ARHGAP31: variants seen among roughly 807,000 people sequenced by gnomAD.
ARHGAP31 encodes the protein rho GTPase-activating protein 31.
Under a neutral mutation model 113.9 loss-of-function variants are expected in ARHGAP31, and 34 were observed. The observed-to-expected ratio is 0.30, with a 90% CI of 0.23 to 0.40. The LOEUF (loss-of-function observed/expected upper bound fraction) is 0.40. Ranked by LOEUF, ARHGAP31 falls within the 10% of genes least tolerant of loss-of-function variation. The pLI is 1.00. For missense variants in ARHGAP31, 1,548 were observed against 1,767.1 expected, an observed-to-expected ratio of 0.88 and a Z score of 2.22; for synonymous variants, 650 against 684.8, an observed-to-expected ratio of 0.95 and a Z score of 0.79.
At chr3:119,379,548 A>G (rs1019243348) in intron 3 of ARHGAP31, among the ~76,000 whole-genome samples, 13 of 152,374 alleles carry the variant, frequency 8.5e-5, no homozygotes, top group African/African-American at 2.9e-4. Flanking sequence ...CACCACGGTT[A>G]GGATCTCATT....
chr3:119,368,340 G>T, intron 2 of ARHGAP31, 32 bp from the exon 3 acceptor site: 1 of 1,613,552 alleles, frequency 6.2e-7, no homozygotes, highest in Non-Finnish European at 8.5e-7. Flanking sequence ...ACACTCCCTG[G>T]GATTGTTATG....
chr3:119,364,961 G>A lies in ARHGAP31; in HGVS notation c.101-355G>A, dbSNP rs139310730. Among the ~76,000 whole-genome samples, 703 of 152,216 alleles carry A rather than the reference G, an allele frequency of 4.6e-3. 4 individuals carry two copies. The highest frequency in any genetic ancestry group is 0.015 in the African/African-American group (639 of 41,530). ...ACACAAAAATTAGCTTGGCGTGGTG[G>A]CGGGTGCCTGTAATCCCAGCTACTC... is the stretch of plus-strand genomic sequence containing the variant. On this transcript the variant is annotated intron_variant, in intron 1 of 11. Coordinates refer to ENST00000264245, the MANE Select transcript of ARHGAP31 (RefSeq NM_020754.4).
intron 1 of ARHGAP31, among the ~76,000 whole-genome samples, chr3:119,307,006 A>G (rs572856599): frequency 4.0e-5 from 6 of 151,262 alleles, no homozygotes; most frequent in African/African-American, 1.5e-4. Context: ...CCTTTGTTTC[A>G]ATCTTTATTT....
At position 119,325,018 on chromosome 3, in the gene ARHGAP31, C is replaced by T. The variant is rs961701978; in HGVS notation, c.100+30014C>T. 1.1e-4 allele frequency: 48 copies of T among 454,800 alleles called. 1 individual carries two copies. Among genetic ancestry groups the T allele is most frequent in the Non-Finnish European group, 1.3e-5 (3 of 226,190 alleles). The allele number at this position is 454,800 out of a possible 1,614,324, so 28.2% of individuals were successfully genotyped here. A position where few individuals can be genotyped will look rare whatever the true frequency, so the allele number is the denominator to read the frequency against. On this transcript the variant is annotated intron_variant, in intron 1 of 11. Coordinates refer to ENST00000264245, the MANE Select transcript of ARHGAP31 (RefSeq NM_020754.4). ...GGCATAGTGTGGACTTATATGATGC[C>T]GTCTTAAATTAGGCCTCATTGGTTA... is the stretch of plus-strand genomic sequence containing the variant.
intron 1 of ARHGAP31, among the ~76,000 whole-genome samples, chr3:119,307,906 TG>T (rs2079643730): frequency 8.3e-6 from 1 of 120,818 alleles, no homozygotes; most frequent in Non-Finnish European, 1.6e-5. Flanking sequence ...GAGGTAAATC[TG>T]GCTTGAGAGT....
chr3:119,399,435 C>A (rs1270355800), intron 9 of ARHGAP31, among the ~76,000 whole-genome samples, 174 bp downstream of exon 9: 1 of 152,234 alleles, frequency 6.6e-6, no homozygotes, highest in African/African-American at 2.4e-5. Flanking sequence ...AGCCCCATAA[C>A]CTCCCCTACC....
intron 2 of ARHGAP31, 106 bp from the exon 3 acceptor site, chr3:119,368,266 T>G: frequency 7.0e-7 from 1 of 1,421,106 alleles, no homozygotes; most frequent in Non-Finnish European, 9.8e-7. Context: ...AAAAATATAG[T>G]CAGAATCAGC....
chr3:119,335,123 A>G (rs998691527), intron 1 of ARHGAP31, among the ~76,000 whole-genome samples: 7 of 152,190 alleles, frequency 4.6e-5, no homozygotes, highest in Admixed American at 2.6e-4. Context: ...CTCTAAGCCC[A>G]GCCAACAAAA....
At chr3:119,361,557 T>A (rs1417881073) in intron 1 of ARHGAP31, among the ~76,000 whole-genome samples, 1 of 152,090 alleles carries the variant, frequency 6.6e-6, no homozygotes, top group Non-Finnish European at 1.5e-5. Context: ...AATTTTTGCA[T>A]TTTTAGTAGA....
chr3:119,375,392 C>T lies in ARHGAP31; in HGVS notation c.349-5512C>T, dbSNP rs76340210. Among the ~76,000 whole-genome samples, 1,175 of 152,282 alleles carry T rather than the reference C, an allele frequency of 7.7e-3. 38 individuals carry two copies. In the East Asian group the frequency reaches 0.11, roughly 14 times the overall value. On this transcript the variant is annotated intron_variant, in intron 3 of 11. Coordinates refer to ENST00000264245, the MANE Select transcript of ARHGAP31 (RefSeq NM_020754.4). ...TGTCTCTGCCTCCAGGGCCACATTG[C>T]CTTTTCTTCTTCTGTCTGTGTCAGA...
chr3:119,416,208 C>CAGT lies in ARHGAP31; in HGVS notation c.4281_4282insTAG (p.Gln1427_Pro1428insTer). On this transcript the variant is annotated stop_gained and inframe_insertion, in exon 12 of 12. Coordinates refer to ENST00000264245, the MANE Select transcript of ARHGAP31 (RefSeq NM_020754.4). LOFTEE classifies it high-confidence loss of function. ...AGAGACCTCAACCAGCTGTTTTTAC[C>CAGT]AGCCTCAGCGGAGATCAGTAATTCT... is the stretch of plus-strand genomic sequence containing the variant. The CAGT allele has an allele frequency of 2.5e-6, 4 of 1,614,160 alleles. No homozygotes were observed. The highest frequency in any genetic ancestry group is 3.4e-6 in the Non-Finnish European group (4 of 1,180,028).
At chr3:119,321,741 C>T (rs999501674) in intron 1 of ARHGAP31, among the ~76,000 whole-genome samples, 17 of 152,274 alleles carry the variant, frequency 1.1e-4, no homozygotes, top group African/African-American at 2.6e-4. Context: ...CTCTACCTCT[C>T]GGGCTCAAGT....
intron 1 of ARHGAP31, among the ~76,000 whole-genome samples, chr3:119,324,253 A>G (rs1352311017): frequency 6.6e-6 from 1 of 152,214 alleles, no homozygotes; most frequent in Admixed American, 6.5e-5. Flanking sequence ...CTAGCCGTCT[A>G]GAACAGTGGC....
At chr3:119,365,909 T>C (rs986764267) in intron 2 of ARHGAP31, among the ~76,000 whole-genome samples, 3 of 152,200 alleles carry the variant, frequency 2.0e-5, no homozygotes, top group Middle Eastern at 3.4e-3. Context: ...GCTAGGATTT[T>C]AAAAATTACT....
chr3:119,318,310 G>A (rs1412090223), intron 1 of ARHGAP31, among the ~76,000 whole-genome samples: 1 of 152,128 alleles, frequency 6.6e-6, no homozygotes, highest in Non-Finnish European at 1.5e-5. Context: ...CAAATGCTAG[G>A]TCTAATGGTT....
Position 119,414,769 on chromosome 3 carries a change from C to T in ARHGAP31, c.2840C>T (p.Pro947Leu). The T allele has an allele frequency of 6.2e-7, 1 of 1,614,202 alleles. No individual in the cohort carries two copies. The highest frequency in any genetic ancestry group is 8.5e-7 in the Non-Finnish European group (1 of 1,180,028). ...HQLEKRLSHR[P>L]SLRQSHSLDS... Reference sequence around the variant, plus strand: ...TTGGAGAAGAGGCTTTCCCACAGGCCCAGCCTTCGCCAGAGCCATTCTCTA... The same window carrying T: ...TTGGAGAAGAGGCTTTCCCACAGGCTCAGCCTTCGCCAGAGCCATTCTCTA... The change falls in exon 12 of 12, where the codon CCC becomes CTC. Residue 947 changes from proline (P) to leucine (L), a missense_variant. Coordinates refer to ENST00000264245, the MANE Select transcript of ARHGAP31 (RefSeq NM_020754.4).
chr3:119,373,222 T>C (rs528160539), intron 3 of ARHGAP31, among the ~76,000 whole-genome samples: 2 of 152,254 alleles, frequency 1.3e-5, no homozygotes, highest in African/African-American at 4.8e-5. Flanking sequence ...AGGGGATTAA[T>C]GTTCTTTAAT....
intron 1 of ARHGAP31, among the ~76,000 whole-genome samples, chr3:119,362,001 G>A (rs1285501240): frequency 1.3e-5 from 2 of 152,256 alleles, no homozygotes; most frequent in Non-Finnish European, 1.5e-5. Flanking sequence ...ACCAAAGCCA[G>A]AATAAATTTA....
At chr3:119,319,299 T>A (rs1424416261) in intron 1 of ARHGAP31, among the ~76,000 whole-genome samples, 2 of 152,014 alleles carry the variant, frequency 1.3e-5, no homozygotes, top group Non-Finnish European at 2.9e-5. Context: ...ATTTTTCTAT[T>A]TTGTGAGCCC....
Sources: gnomAD v4.1 joint callset for allele counts (sites outside exome capture counted in the v4.1 genomes callset) on GRCh38, gnomAD v4.1.1 for gene constraint, MANE v1.5 for transcripts, NCBI Gene and HGNC (gene_info 2026-07-23, HGNC 2026-07-21) for gene names.